The following HYDIN variants were observed in gnomAD, a reference collection of about 807,000 sequenced individuals.
HYDIN encodes HYDIN axonemal central pair apparatus protein, also known as axonemal central pair apparatus protein HYDIN.
In HYDIN, 132 loss-of-function variants were observed where a neutral mutation model predicts 403.9. The observed-to-expected ratio is 0.33, with a 90% CI of 0.28 to 0.38. The LOEUF (loss-of-function observed/expected upper bound fraction) is 0.38, where lower values mean the gene tolerates loss of function less well. Ranked by LOEUF, HYDIN falls within the 10% of genes least tolerant of loss-of-function variation. HYDIN has a pLI of 1.00. For missense variants in HYDIN, 2,827 were observed against 5,009.5 expected, an observed-to-expected ratio of 0.56 and a Z score of 13.15; for synonymous variants, 1,202 against 1,891.7, an observed-to-expected ratio of 0.64 and a Z score of 9.46.
chr16:71,163,832 T>G (rs1467909768), intron 5 of HYDIN, among the ~76,000 whole-genome samples: 1 of 152,222 alleles, frequency 6.6e-6, no homozygotes, highest in Non-Finnish European at 1.5e-5. Flanking sequence ...GTGCTTATTA[T>G]TTTAAGCCAC....
intron 6 of HYDIN, among the ~76,000 whole-genome samples, chr16:71,157,734 CAG>C (rs1394987752): frequency 6.9e-6 from 1 of 145,400 alleles, no homozygotes; most frequent in Non-Finnish European, 1.5e-5. Context: ...TATTTGCAAA[CAG>C]GGAATTTGAG....
chr16:71,139,695 C>G (rs2144544149), intron 7 of HYDIN, among the ~76,000 whole-genome samples: 1 of 151,338 alleles, frequency 6.6e-6, no homozygotes, highest in Non-Finnish European at 1.5e-5. Flanking sequence ...ACACAAAAGG[C>G]AATATGAAGA....
chr16:71,222,345 A>G (rs932783763), intron 1 of HYDIN, among the ~76,000 whole-genome samples: 2 of 152,218 alleles, frequency 1.3e-5, no homozygotes, highest in African/African-American at 4.8e-5. Flanking sequence ...TCAAAATAAT[A>G]AAAGCCATAT....
intron 7 of HYDIN, among the ~76,000 whole-genome samples, chr16:71,140,045 C>G (rs981879637): frequency 1.3e-5 from 2 of 149,340 alleles, no homozygotes; most frequent in Non-Finnish European, 3.0e-5. Context: ...TTACACCTAA[C>G]TTTTGAACTG....
chr16:71,116,402 T>C (rs1042058444), intron 9 of HYDIN, among the ~76,000 whole-genome samples: 3 of 152,264 alleles, frequency 2.0e-5, no homozygotes, highest in Non-Finnish European at 4.4e-5. Context: ...TTCCATTGTA[T>C]GTACACACTT....
At chr16:70,938,793 C>T (rs761923950) in intron 43 of HYDIN, 38 bp from the exon 44 acceptor site, 1 of 1,611,148 alleles carries the variant, frequency 6.2e-7, no homozygotes, top group South Asian at 1.1e-5. Context: ...GAGGAAAAGT[C>T]CTTCTCAGTC....
intron 12 of HYDIN, among the ~76,000 whole-genome samples, chr16:71,086,278 A>G (rs1208934048): frequency 6.6e-6 from 1 of 152,224 alleles, no homozygotes; most frequent in Non-Finnish European, 1.5e-5. Flanking sequence ...ACCCAAATAC[A>G]TGAGTTCTTG....
chr16:71,093,960 C>T (rs2083195459), intron 10 of HYDIN, 25 bp from the exon 11 acceptor site: 2 of 1,611,738 alleles, frequency 1.2e-6, no homozygotes, highest in Non-Finnish European at 8.5e-7. Context: ...CAGACTTTAT[C>T]ATCCAAATGG....
At chr16:71,218,797 C>T (rs1441282023) in intron 1 of HYDIN, among the ~76,000 whole-genome samples, 1 of 152,136 alleles carries the variant, frequency 6.6e-6, no homozygotes, top group Non-Finnish European at 1.5e-5. Flanking sequence ...TTCCCTCTAG[C>T]AGCAAAAGGA....
intron 6 of HYDIN, among the ~76,000 whole-genome samples, chr16:71,162,106 G>A (rs981414436): frequency 2.7e-5 from 4 of 145,508 alleles, no homozygotes; most frequent in African/African-American, 1.1e-4. Flanking sequence ...TTAGCCCAGT[G>A]CAACTTCTGA....
intron 31 of HYDIN, 70 bp from the exon 32 acceptor site, chr16:70,974,740 T>C (rs1375713878): frequency 1.1e-5 from 7 of 633,646 alleles, no homozygotes; most frequent in Non-Finnish European, 2.8e-6. Flanking sequence ...AGTGAGTGAG[T>C]CTGATTTTTT....
intron 73 of HYDIN, among the ~76,000 whole-genome samples, chr16:70,851,228 GAGTA>G (rs2038626638): frequency 1.1e-5 from 1 of 94,730 alleles, no homozygotes; most frequent in Non-Finnish European, 2.0e-5. Flanking sequence ...AAAAAAAAAA[GAGTA>G]AGAAAGGAAA....
intron 46 of HYDIN, 142 bp downstream of exon 46, chr16:70,920,449 T>C (rs2143812750): frequency 8.3e-6 from 5 of 601,572 alleles, no homozygotes; most frequent in South Asian, 6.9e-5. Flanking sequence ...TTAGTCATTA[T>C]TGTCTTAATT....
rs368515676 is a variant in HYDIN, at chr16:70,895,991, G to A, written c.9138C>T (p.Thr3046=). 3.0e-5 allele frequency: 48 copies of A among 1,608,082 alleles called. No homozygotes were observed. Among genetic ancestry groups the A allele is most frequent in the Non-Finnish European group, 3.6e-5 (42 of 1,177,882 alleles). The change falls in exon 54 of 86, where the codon ACC becomes ACT. Residue 3046 remains threonine, a synonymous_variant. Transcript: ENST00000393567. The part of the protein sequence containing the change: ...AEAYDIALDI[T]FPKGAEGGLD... ...AAGGGCCCAACAGACCTTTGGGGAAGGTGATGTCCAAGGCGATGTCGTATG... is the reference window on the plus strand; with the variant it reads ...AAGGGCCCAACAGACCTTTGGGGAAAGTGATGTCCAAGGCGATGTCGTATG...
At chr16:70,990,796 C>T (rs2079325704) in intron 25 of HYDIN, among the ~76,000 whole-genome samples, 1 of 152,200 alleles carries the variant, frequency 6.6e-6, no homozygotes, top group African/African-American at 2.4e-5. Context: ...AAATTTTGAT[C>T]TACTTGCAAA....
At chr16:70,987,473 T>C (rs1190858861) in intron 27 of HYDIN, among the ~76,000 whole-genome samples, 1 of 152,042 alleles carries the variant, frequency 6.6e-6, no homozygotes, top group Non-Finnish European at 1.5e-5. Context: ...CATGGCTTGA[T>C]GAGACCCTGT....
intron 77 of HYDIN, among the ~76,000 whole-genome samples, chr16:70,837,333 G>A (rs967211981): frequency 9.2e-5 from 14 of 151,736 alleles, no homozygotes; most frequent in African/African-American, 3.4e-4. Context: ...TATTAAACCT[G>A]AAAACAAACA....
chr16:70,902,379 T>C (rs376464943), intron 52 of HYDIN, among the ~76,000 whole-genome samples: 62 of 145,680 alleles, frequency 4.3e-4, no homozygotes, highest in African/African-American at 1.5e-3. Flanking sequence ...GAGGTTGGGA[T>C]GGGTGAATTA....
chr16:70,915,151 T>C (rs1175729126), intron 47 of HYDIN, among the ~76,000 whole-genome samples: 8 of 151,784 alleles, frequency 5.3e-5, no homozygotes, highest in African/African-American at 1.5e-4. Flanking sequence ...AATCAGGGAT[T>C]TCTTCTTGGT....
Sources: gnomAD v4.1 joint callset for allele counts (sites outside exome capture counted in the v4.1 genomes callset) on GRCh38, gnomAD v4.1.1 for gene constraint, MANE v1.5 for transcripts, NCBI Gene and HGNC (gene_info 2026-07-23, HGNC 2026-07-21) for gene names.